The following CFAP299 variants were observed in gnomAD, a reference collection of about 807,000 sequenced individuals.
CFAP299 encodes the protein cilia- and flagella-associated protein 299.
CFAP299 carries 21 observed loss-of-function variants against 27.0 expected under a neutral mutation model. The observed-to-expected ratio is 0.78, with a 90% CI of 0.55 to 1.12. The LOEUF is 1.12. CFAP299 is among the 50% of genes most tolerant of loss of function. The pLI, the probability that CFAP299 is intolerant of heterozygous loss-of-function variation, is 0.00. For synonymous variants in CFAP299, 104 were observed against 98.1 expected, an observed-to-expected ratio of 1.06 and a Z score of -0.36; for missense variants, 310 against 276.6, an observed-to-expected ratio of 1.12 and a Z score of -0.86.
chr4:80,645,503 A>T (rs908410088), intron 3 of CFAP299, among the ~76,000 whole-genome samples: 3 of 152,160 alleles, frequency 2.0e-5, no homozygotes, highest in Non-Finnish European at 4.4e-5. Flanking sequence ...ATGTAGGTGT[A>T]TCTGTTTGTA....
chr4:80,489,969 T>A (rs1241400793), intron 2 of CFAP299, among the ~76,000 whole-genome samples: 1 of 152,192 alleles, frequency 6.6e-6, no homozygotes, highest in Non-Finnish European at 1.5e-5. Context: ...TTGACAGTTA[T>A]AACTCCCGTG....
At chr4:80,889,861 G>T (rs138617270) in intron 4 of CFAP299, among the ~76,000 whole-genome samples, 1 of 152,136 alleles carries the variant, frequency 6.6e-6, no homozygotes, top group East Asian at 1.9e-4. Flanking sequence ...TCAACAGAAT[G>T]AAGGACAAAA....
chr4:80,764,406 AC>A (rs1416049813), intron 3 of CFAP299, among the ~76,000 whole-genome samples: 1 of 152,238 alleles, frequency 6.6e-6, no homozygotes, highest in Non-Finnish European at 1.5e-5. Flanking sequence ...ATACCATCTC[AC>A]GCCAGTTAGA....
chr4:80,487,976 C>T (rs1029364966), intron 2 of CFAP299, among the ~76,000 whole-genome samples: 4 of 152,134 alleles, frequency 2.6e-5, no homozygotes, highest in Non-Finnish European at 5.9e-5. Context: ...GCATATAGCA[C>T]CTCCAAATTC....
chr4:80,472,701 T>C (rs1250822630), intron 2 of CFAP299, among the ~76,000 whole-genome samples: 1 of 152,172 alleles, frequency 6.6e-6, no homozygotes, highest in Non-Finnish European at 1.5e-5. Context: ...GCAGTTTATG[T>C]AGCATTTTCA....
At chr4:80,743,519 T>C (rs1329759192) in intron 3 of CFAP299, among the ~76,000 whole-genome samples, 1 of 152,174 alleles carries the variant, frequency 6.6e-6, no homozygotes, top group East Asian at 1.9e-4. Context: ...GAATCTTAAA[T>C]GCACAATATA....
Position 80,589,295 on chromosome 4 carries a change from G to T in CFAP299, c.333+6112G>T, listed in dbSNP as rs114000897. ...TTTAAACTCAAGCAATCTGGGTCCA[G>T]ATTCTGGGCTCATTAACCATTGAGC... On this transcript the variant is annotated intron_variant, in intron 3 of 5. Coordinates refer to ENST00000358105, the MANE Select transcript of CFAP299 (RefSeq NM_152770.3). 6.8e-3 allele frequency among the ~76,000 whole-genome samples: 1,035 copies of T among 152,226 alleles called. 13 individuals are homozygous for T. The highest frequency in any genetic ancestry group is 0.024 in the African/African-American group (994 of 41,512).
chr4:80,583,009 TAAA>T, intron 2 of CFAP299, 81 bp from the exon 3 acceptor site: 2 of 753,968 alleles, frequency 2.7e-6, no homozygotes, highest in Non-Finnish European at 4.2e-6. Context: ...AATTGTCACT[TAAA>T]GAAGCATTGT....
intron 3 of CFAP299, among the ~76,000 whole-genome samples, chr4:80,722,952 A>G (rs1249720784): frequency 6.6e-6 from 1 of 152,106 alleles, no homozygotes; most frequent in African/African-American, 2.4e-5. Context: ...TTGAACAGAC[A>G]CTTTACCAAA....
intron 3 of CFAP299, among the ~76,000 whole-genome samples, chr4:80,671,368 T>C (rs2109993532): frequency 6.6e-6 from 1 of 152,300 alleles, no homozygotes; most frequent in South Asian, 2.1e-4. Flanking sequence ...TTGGTACCAG[T>C]ACCATGCTGT....
Position 80,881,900 on chromosome 4 carries a change from T to C in CFAP299, c.476+11765T>C, listed in dbSNP as rs145250453. The stretch of plus-strand genomic sequence containing the variant: ...ATGTATGAGAAATTCAATAAGGAGA[T>C]AGAAATGATGAAAAAGAATTAACCA... On this transcript the variant is annotated intron_variant, in intron 4 of 5. Coordinates refer to ENST00000358105, the MANE Select transcript of CFAP299 (RefSeq NM_152770.3). 3.1e-3 allele frequency among the ~76,000 whole-genome samples: 467 copies of C among 151,866 alleles called. 3 individuals carry two copies. The highest frequency in any genetic ancestry group is 0.011 in the African/African-American group (455 of 41,426).
intron 2 of CFAP299, among the ~76,000 whole-genome samples, chr4:80,391,550 C>T (rs1331803371): frequency 6.6e-6 from 1 of 152,108 alleles, no homozygotes. Flanking sequence ...GCAAGGTGGT[C>T]CCATATGATT....
chr4:80,855,666 T>C (rs909990422), intron 3 of CFAP299, among the ~76,000 whole-genome samples: 2 of 152,224 alleles, frequency 1.3e-5, no homozygotes, highest in African/African-American at 2.4e-5. Context: ...GTTTAGTTTT[T>C]TGTTCTTGCG....
intron 2 of CFAP299, among the ~76,000 whole-genome samples, chr4:80,414,196 A>G (rs970086989): frequency 2.1e-5 from 3 of 146,190 alleles, no homozygotes; most frequent in Admixed American, 6.9e-5. Context: ...TCAGCCTCCC[A>G]AGTAGCTGGG....
intron 1 of CFAP299, 29 bp from the exon 2 acceptor site, chr4:80,362,725 A>T (rs781649333): frequency 1.3e-6 from 2 of 1,572,826 alleles, no homozygotes; most frequent in Non-Finnish European, 1.7e-6. Context: ...TCATTTGCCC[A>T]CTCACCTAAC....
intron 2 of CFAP299, among the ~76,000 whole-genome samples, chr4:80,469,232 T>C (rs532589805): frequency 1.3e-5 from 2 of 152,220 alleles, no homozygotes; most frequent in East Asian, 3.8e-4. Flanking sequence ...TTTTCAGAGG[T>C]CTTCCAGGTG....
chr4:80,776,517 A>G (rs1445230753), intron 3 of CFAP299, among the ~76,000 whole-genome samples: 1 of 152,144 alleles, frequency 6.6e-6, no homozygotes, highest in Non-Finnish European at 1.5e-5. Context: ...GTTCTCACTC[A>G]TAAGTGGGAG....
rs28788879 is a variant in CFAP299, at chr4:80,537,099, A to G, written c.243-45994A>G. Among the ~76,000 whole-genome samples, 1,228 of 152,272 alleles carry G rather than the reference A, an allele frequency of 8.1e-3. 16 individuals carry two copies. The highest frequency in any genetic ancestry group is 0.028 in the African/African-American group (1,174 of 41,566). On this transcript the variant is annotated intron_variant, in intron 2 of 5. Transcript: ENST00000358105. Reference sequence around the variant, plus strand: ...AAGCCAACAGGAATAAAAATGCTCAACATCATTAATCATCAGGGAAATGCA... The same window carrying G: ...AAGCCAACAGGAATAAAAATGCTCAGCATCATTAATCATCAGGGAAATGCA...
At chr4:80,573,897 C>A (rs1735719262) in intron 2 of CFAP299, among the ~76,000 whole-genome samples, 1 of 152,052 alleles carries the variant, frequency 6.6e-6, no homozygotes, top group African/African-American at 2.4e-5. Flanking sequence ...TAAAGTGATT[C>A]ATCTAGTTGT....
Sources: gnomAD v4.1 joint callset for allele counts (sites outside exome capture counted in the v4.1 genomes callset) on GRCh38, gnomAD v4.1.1 for gene constraint, MANE v1.5 for transcripts, NCBI Gene and HGNC (gene_info 2026-07-23, HGNC 2026-07-21) for gene names.